The following PKHD1 variants were observed in gnomAD, a reference collection of about 807,000 sequenced individuals.
PKHD1 encodes the protein fibrocystin.
PKHD1 carries 291 observed loss-of-function variants against 412.0 expected under a neutral mutation model. That is an observed-to-expected ratio of 0.71 (90% CI 0.64 to 0.78). The LOEUF (loss-of-function observed/expected upper bound fraction) is 0.78, where lower values mean the gene tolerates loss of function less well. PKHD1 is among the 30% of genes least tolerant of loss of function. PKHD1 has a pLI of 0.00. For missense variants in PKHD1, 4,825 were observed against 4,950.7 expected (o/e 0.97, Z 0.76); for synonymous variants, 1,777 against 1,821.5 (o/e 0.98, Z 0.62).
chr6:51,827,367 G>A (rs1447153430), intron 52 of PKHD1, among the ~76,000 whole-genome samples: 1 of 152,066 alleles, frequency 6.6e-6, no homozygotes, highest in African/African-American at 2.4e-5. Flanking sequence ...GTGCACTGAT[G>A]TTATCTCATT....
At chr6:51,822,757 G>T (rs979901869) in intron 52 of PKHD1, among the ~76,000 whole-genome samples, 1 of 152,018 alleles carries the variant, frequency 6.6e-6, no homozygotes, top group Non-Finnish European at 1.5e-5. Flanking sequence ...TCCTTTACAT[G>T]CATCCTCTAT....
chr6:51,909,256 G>A, intron 40 of PKHD1, 27 bp downstream of exon 40: 2 of 1,571,330 alleles, frequency 1.3e-6, no homozygotes, highest in Non-Finnish European at 1.8e-6. Context: ...AGAAACATGA[G>A]AAAGTCCTAG....
chr6:52,044,346 A>C (rs1251608427), intron 25 of PKHD1, among the ~76,000 whole-genome samples: 6 of 152,332 alleles, frequency 3.9e-5, no homozygotes, highest in Non-Finnish European at 7.4e-5. Flanking sequence ...ATGCATTAAT[A>C]GCATACAGAT....
chr6:51,931,705 T>C (rs1223404118), intron 37 of PKHD1, among the ~76,000 whole-genome samples: 3 of 152,192 alleles, frequency 2.0e-5, no homozygotes, highest in African/African-American at 4.8e-5. Context: ...TTTGCCTGTG[T>C]TCAATGGGCA....
At chr6:51,637,618 A>C (rs950112933) in intron 64 of PKHD1, among the ~76,000 whole-genome samples, 1 of 151,888 alleles carries the variant, frequency 6.6e-6, no homozygotes, top group Non-Finnish European at 1.5e-5. Context: ...AAAAAAAAAA[A>C]ATCCAGGCTG....
intron 53 of PKHD1, among the ~76,000 whole-genome samples, chr6:51,783,827 TTTAAA>T: frequency 6.6e-6 from 1 of 152,336 alleles, no homozygotes; most frequent in African/African-American, 2.4e-5. Context: ...ACATCAACTT[TTTAAA>T]TTTGTTTTTG....
At chr6:51,758,806 G>A (rs1787497517) in intron 55 of PKHD1, among the ~76,000 whole-genome samples, 1 of 151,916 alleles carries the variant, frequency 6.6e-6, no homozygotes, top group African/African-American at 2.4e-5. Context: ...ATATTTACTA[G>A]ACAAAAATAT....
At chr6:51,759,469 G>A (rs1428244040) in intron 55 of PKHD1, among the ~76,000 whole-genome samples, 1 of 152,038 alleles carries the variant, frequency 6.6e-6, no homozygotes, top group East Asian at 1.9e-4. Context: ...CCTCCTCACT[G>A]GTGGTATAGC....
At chr6:51,854,150 G>A (rs561831851) in intron 49 of PKHD1, among the ~76,000 whole-genome samples, 340 of 151,952 alleles carry the variant, frequency 2.2e-3, no homozygotes, top group Non-Finnish European at 4.2e-3. Flanking sequence ...TGTTGTTGTC[G>A]CTTTCTGCTT....
intron 43 of PKHD1, among the ~76,000 whole-genome samples, chr6:51,888,069 C>T (rs1277867181): frequency 6.6e-6 from 1 of 152,188 alleles, no homozygotes; most frequent in East Asian, 1.9e-4. Flanking sequence ...CTCTCTGGCT[C>T]TTTGAACAAC....
At chr6:51,644,379 T>A (rs920093246) in intron 63 of PKHD1, among the ~76,000 whole-genome samples, 2 of 152,126 alleles carry the variant, frequency 1.3e-5, no homozygotes, top group African/African-American at 4.8e-5. Context: ...TAGGAACAGT[T>A]TTAGGCCAAT....
intron 55 of PKHD1, among the ~76,000 whole-genome samples, chr6:51,771,023 G>A (rs879652205): frequency 1.3e-5 from 2 of 151,950 alleles, no homozygotes; most frequent in Non-Finnish European, 2.9e-5. Context: ...GCCTTAAGAC[G>A]GCAAACCAGT....
At chr6:51,648,919 T>C (rs1013254100) in intron 62 of PKHD1, among the ~76,000 whole-genome samples, 166 bp downstream of exon 62, 2 of 152,164 alleles carry the variant, frequency 1.3e-5, no homozygotes, top group Admixed American at 1.3e-4. Flanking sequence ...AGGCAGGCTG[T>C]GAAGTGGAAG....
chr6:51,884,377 A>G (rs935515710), intron 45 of PKHD1, among the ~76,000 whole-genome samples: 1 of 152,164 alleles, frequency 6.6e-6, no homozygotes, highest in Non-Finnish European at 1.5e-5. Context: ...TTTCATTGAC[A>G]TATATATCTA....
chr6:51,731,994 C>T (rs530580284), intron 60 of PKHD1, among the ~76,000 whole-genome samples: 3 of 152,074 alleles, frequency 2.0e-5, no homozygotes, highest in Non-Finnish European at 2.9e-5. Flanking sequence ...TTGATAAAAA[C>T]ACTTTATAAA....
At chr6:51,792,855 G>T (rs546620670) in intron 52 of PKHD1, among the ~76,000 whole-genome samples, 5 of 152,108 alleles carry the variant, frequency 3.3e-5, no homozygotes. Context: ...ACACTCCAGT[G>T]ACACCCTGTA....
chr6:51,749,427 T>C (rs971413711), intron 57 of PKHD1, among the ~76,000 whole-genome samples: 3 of 152,172 alleles, frequency 2.0e-5, no homozygotes, highest in Non-Finnish European at 4.4e-5. Flanking sequence ...CACTATAAAA[T>C]ACACCCAGTA....
Position 52,056,989 on chromosome 6 carries a change from T to G in PKHD1, c.1513-10A>C. The G allele has an allele frequency of 6.3e-7, 1 of 1,590,734 alleles. No individual in the cohort carries two copies. Among genetic ancestry groups the G allele is most frequent in the Non-Finnish European group, 8.6e-7 (1 of 1,158,858 alleles). On this transcript the variant is annotated splice_polypyrimidine_tract_variant and intron_variant, in intron 16 of 66. Transcript: ENST00000371117. ...CTGATACATTCAGCACCTAAAAAAG[T>G]CAAGACAGACAAGACTAAATGATGG...
intron 66 of PKHD1, among the ~76,000 whole-genome samples, chr6:51,620,678 C>T (rs576115681): frequency 2.6e-5 from 4 of 151,408 alleles, no homozygotes; most frequent in South Asian, 2.1e-4. Flanking sequence ...GTAATCCTGT[C>T]TGATTCATAC....
Sources: gnomAD v4.1 joint callset for allele counts (sites outside exome capture counted in the v4.1 genomes callset) on GRCh38, gnomAD v4.1.1 for gene constraint, MANE v1.5 for transcripts, NCBI Gene and HGNC (gene_info 2026-07-23, HGNC 2026-07-21) for gene names.